ZMAT4: variants seen among roughly 807,000 people sequenced by gnomAD.
The protein encoded by ZMAT4 is zinc finger matrin-type 4.
Under a neutral mutation model 28.7 loss-of-function variants are expected in ZMAT4, and 17 were observed. The observed-to-expected ratio is 0.59, with a 90% CI of 0.41 to 0.89. ZMAT4 has a LOEUF of 0.89. Ranked by LOEUF, ZMAT4 falls within the 40% of genes least tolerant of loss-of-function variation. The probability of loss-of-function intolerance (pLI) is 0.00; values close to 1 mark genes in which losing one functional copy is unlikely to be tolerated. For synonymous variants in ZMAT4, 117 were observed against 109.2 expected (o/e 1.07, Z -0.44); for missense variants, 240 against 283.8 (o/e 0.85, Z 1.11).
chr8:40,661,245 C>T (rs189784207), intron 5 of ZMAT4, among the ~76,000 whole-genome samples: 1 of 152,290 alleles, frequency 6.6e-6, no homozygotes, highest in Non-Finnish European at 1.5e-5. Flanking sequence ...GGACTATAGA[C>T]ATGCACACTA....
intron 1 of ZMAT4, among the ~76,000 whole-genome samples, chr8:40,878,203 G>A (rs553564213): frequency 5.9e-5 from 9 of 152,304 alleles, no homozygotes; most frequent in South Asian, 4.1e-4. Context: ...ATCATTGAAC[G>A]GAAGTCGAGG....
chr8:40,739,570 C>G (rs1262145574), intron 3 of ZMAT4, among the ~76,000 whole-genome samples: 1 of 152,124 alleles, frequency 6.6e-6, no homozygotes, highest in African/African-American at 2.4e-5. Flanking sequence ...AAGAAAAGAG[C>G]TGACATAAGC....
intron 6 of ZMAT4, among the ~76,000 whole-genome samples, chr8:40,578,306 G>A (rs867836324): frequency 6.6e-6 from 1 of 151,880 alleles, no homozygotes; most frequent in African/African-American, 2.4e-5. Flanking sequence ...GTATCTGTAT[G>A]GAAAAAAATC....
rs537084622 is a variant in ZMAT4, at chr8:40,803,944, A to G, written c.102+21631T>C. 5.3e-5 allele frequency among the ~76,000 whole-genome samples: 8 copies of G among 152,322 alleles called. No homozygotes were observed. In the East Asian group the frequency reaches 1.5e-3, roughly 29 times the overall value. ...ATGAAAAGACATGAAGGAAACTTAA[A>G]TGCAGCTTGCATTTACTACATTTAA... is the stretch of plus-strand genomic sequence containing the variant. On this transcript the variant is annotated intron_variant, in intron 2 of 6. Transcript: ENST00000297737.
chr8:40,680,505 G>A (rs1378603434), intron 4 of ZMAT4, among the ~76,000 whole-genome samples: 1 of 152,116 alleles, frequency 6.6e-6, no homozygotes, highest in Non-Finnish European at 1.5e-5. Flanking sequence ...TCCACGGACA[G>A]ATCTCAAAGC....
At chr8:40,626,950 G>A (rs1354607820) in intron 5 of ZMAT4, among the ~76,000 whole-genome samples, 1 of 152,150 alleles carries the variant, frequency 6.6e-6, no homozygotes, top group Non-Finnish European at 1.5e-5. Flanking sequence ...CCAAATTTAG[G>A]ACATATGACT....
intron 2 of ZMAT4, among the ~76,000 whole-genome samples, chr8:40,803,954 C>T (rs570259524): frequency 6.6e-6 from 1 of 152,220 alleles, no homozygotes; most frequent in East Asian, 1.9e-4. Context: ...ATGCAGCTTG[C>T]ATTTACTACA....
chr8:40,881,452 A>AAAG (rs1351591481), intron 1 of ZMAT4, among the ~76,000 whole-genome samples: 3 of 135,170 alleles, frequency 2.2e-5, no homozygotes, highest in African/African-American at 8.5e-5. Context: ...AGAAAGAAAG[A>AAAG]AAGAAAGAAA....
chr8:40,840,516 T>C (rs1294298360), intron 1 of ZMAT4, among the ~76,000 whole-genome samples: 1 of 152,190 alleles, frequency 6.6e-6, no homozygotes, highest in Non-Finnish European at 1.5e-5. Flanking sequence ...GTGGCATTTC[T>C]TCTCACTCAC....
chr8:40,825,033 C>CT lies in ZMAT4; in HGVS notation c.102+541dup, dbSNP rs1487135007. Among the ~76,000 whole-genome samples the CT allele has an allele frequency of 2.6e-5, 4 of 152,294 alleles. No homozygotes were observed. In the East Asian group the frequency reaches 7.7e-4, roughly 29 times the overall value. On this transcript the variant is annotated intron_variant, in intron 2 of 6. Coordinates refer to ENST00000297737, the MANE Select transcript of ZMAT4 (RefSeq NM_024645.3). ...TTTATGACTTTGAAGAGTATTTGCA[C>CT]TTTAAGACTTGGTTATAACTCTGCA... is the stretch of plus-strand genomic sequence containing the variant.
intron 1 of ZMAT4, among the ~76,000 whole-genome samples, chr8:40,869,412 C>T (rs975892532): frequency 6.6e-6 from 1 of 152,188 alleles, no homozygotes; most frequent in Non-Finnish European, 1.5e-5. Context: ...GAACATAATG[C>T]TGGGCTTTGG....
intron 3 of ZMAT4, among the ~76,000 whole-genome samples, chr8:40,732,068 G>A (rs1323931629): frequency 1.3e-5 from 2 of 152,122 alleles, no homozygotes; most frequent in African/African-American, 2.4e-5. Context: ...GGGAGGAGGG[G>A]AATCAGGGAG....
chr8:40,662,304 T>G (rs1277336816), intron 5 of ZMAT4, among the ~76,000 whole-genome samples: 1 of 152,044 alleles, frequency 6.6e-6, no homozygotes, highest in African/African-American at 2.4e-5. Flanking sequence ...TGGATATGAG[T>G]AGGGGTGTTT....
chr8:40,865,866 A>AC (rs1817662263), intron 1 of ZMAT4, among the ~76,000 whole-genome samples: 1 of 152,168 alleles, frequency 6.6e-6, no homozygotes, highest in Admixed American at 6.5e-5. Flanking sequence ...GATCGTCCCA[A>AC]CCAATTTTTA....
Position 40,807,501 on chromosome 8 carries a change from G to A in ZMAT4, c.102+18074C>T, listed in dbSNP as rs190010387. 2.6e-5 allele frequency among the ~76,000 whole-genome samples: 4 copies of A among 152,222 alleles called. No homozygotes were observed. In the East Asian group the frequency reaches 7.7e-4, roughly 29 times the overall value. On this transcript the variant is annotated intron_variant, in intron 2 of 6. Coordinates refer to ENST00000297737, the MANE Select transcript of ZMAT4 (RefSeq NM_024645.3). ...CTGGAGTCAAATCTAAGTGGCTATG[G>A]ATGATCTAAGTGTTCCAAGTCCTCA... is the stretch of plus-strand genomic sequence containing the variant.
At chr8:40,696,217 A>G (rs903789685) in intron 4 of ZMAT4, among the ~76,000 whole-genome samples, 22 of 152,334 alleles carry the variant, frequency 1.4e-4, no homozygotes, top group African/African-American at 4.8e-4. Context: ...TAGTTAAACT[A>G]AATAGAAAAA....
chr8:40,567,517 G>A (rs1452933090), intron 6 of ZMAT4, among the ~76,000 whole-genome samples: 1 of 151,998 alleles, frequency 6.6e-6, no homozygotes, highest in Non-Finnish European at 1.5e-5. Context: ...GGTCACCTGA[G>A]GTCAGGAGTT....
chr8:40,595,956 C>T (rs754449484), intron 5 of ZMAT4, among the ~76,000 whole-genome samples: 27 of 151,904 alleles, frequency 1.8e-4, no homozygotes, highest in South Asian at 4.2e-4. Context: ...TGGTGGTGGG[C>T]GCCTGTAATC....
At chr8:40,617,455 TG>T (rs1806050142) in intron 5 of ZMAT4, among the ~76,000 whole-genome samples, 1 of 152,178 alleles carries the variant, frequency 6.6e-6, no homozygotes, top group Non-Finnish European at 1.5e-5. Flanking sequence ...TACAGAAAGT[TG>T]TTGCAATTTT....
Sources: gnomAD v4.1 joint callset for allele counts (sites outside exome capture counted in the v4.1 genomes callset) on GRCh38, gnomAD v4.1.1 for gene constraint, MANE v1.5 for transcripts, NCBI Gene and HGNC (gene_info 2026-07-23, HGNC 2026-07-21) for gene names.